Variants in ENTREP2 observed in about 807,000 individuals in gnomAD.
The protein encoded by ENTREP2 is protein ENTREP2.
chr15:29,403,052 T>C, the ENTREP2 span, among the ~76,000 whole-genome samples: 10 of 152,226 alleles, frequency 6.6e-5, no homozygotes, highest in East Asian at 1.9e-3. Flanking sequence ...GCGGCCAGTC[T>C]GAGTGAGAGG....
chr15:29,458,516 G>A, the ENTREP2 span, among the ~76,000 whole-genome samples: 1 of 151,994 alleles, frequency 6.6e-6, no homozygotes, highest in African/African-American at 2.4e-5. Context: ...AATCCCTCCA[G>A]CTCTTCTCAA....
At chr15:29,132,275 G>A in the ENTREP2 span, among the ~76,000 whole-genome samples, 1 of 152,208 alleles carries the variant, frequency 6.6e-6, no homozygotes, top group African/African-American at 2.4e-5. Context: ...GACAGCTGGT[G>A]GTGCAGCTGG....
chr15:29,591,832 GAGAAGA>G, the ENTREP2 span, among the ~76,000 whole-genome samples: 1,395 of 140,130 alleles, frequency 1.0e-2, 13 homozygotes, highest in African/African-American at 0.022. Context: ...CATCTCAAAA[GAGAAGA>G]AGAAGAAGAA....
the ENTREP2 span, among the ~76,000 whole-genome samples, chr15:29,494,663 T>C: frequency 6.6e-6 from 1 of 152,224 alleles, no homozygotes; most frequent in Non-Finnish European, 1.5e-5. Context: ...CACCTACCCA[T>C]TTCCCACAGG....
chr15:29,237,262 T>C, the ENTREP2 span, among the ~76,000 whole-genome samples: 1 of 152,244 alleles, frequency 6.6e-6, no homozygotes, highest in Non-Finnish European at 1.5e-5. Context: ...GGCATACATG[T>C]GGCTCACTAA....
At chr15:29,556,761 T>G in the ENTREP2 span, among the ~76,000 whole-genome samples, 2 of 103,572 alleles carry the variant, frequency 1.9e-5, no homozygotes, top group African/African-American at 6.7e-5. Context: ...CCCATGCAGG[T>G]GCCCCCCCCC....
At chr15:29,306,913 T>C in the ENTREP2 span, among the ~76,000 whole-genome samples, 1 of 140,414 alleles carries the variant, frequency 7.1e-6, no homozygotes, top group Non-Finnish European at 1.5e-5. Flanking sequence ...GCCTGACTAA[T>C]TTTTTGTACA....
the ENTREP2 span, among the ~76,000 whole-genome samples, chr15:29,147,178 A>G: frequency 7.2e-5 from 11 of 152,342 alleles, no homozygotes; most frequent in Non-Finnish European, 1.5e-4. Context: ...TACAGAAATA[A>G]CTTTTACAAC....
chr15:29,378,352 T>C, the ENTREP2 span, among the ~76,000 whole-genome samples: 15 of 152,162 alleles, frequency 9.9e-5, no homozygotes, highest in Non-Finnish European at 4.4e-5. Flanking sequence ...ACATCTTTGG[T>C]CACATTTCCA....
At chr15:29,151,223 T>C in the ENTREP2 span, among the ~76,000 whole-genome samples, 22,615 of 152,100 alleles carry the variant, frequency 0.15, 3,098 homozygotes, top group African/African-American at 0.36. Flanking sequence ...ACAGGTCTTC[T>C]TGTGTATGAC....
the ENTREP2 span, among the ~76,000 whole-genome samples, chr15:29,433,781 G>GAA: frequency 2.9e-5 from 4 of 136,740 alleles, no homozygotes; most frequent in African/African-American, 1.0e-4. Context: ...TCCTCCATGG[G>GAA]AAAAAAAAAA....
the ENTREP2 span, among the ~76,000 whole-genome samples, chr15:29,353,269 G>A: frequency 0.14 from 21,989 of 151,956 alleles, 1,840 homozygotes; most frequent in East Asian, 0.35. Context: ...CATTTGATGG[G>A]GATCCAGAAA....
chr15:29,479,520 C>G, the ENTREP2 span, among the ~76,000 whole-genome samples: 3 of 152,204 alleles, frequency 2.0e-5, no homozygotes, highest in Non-Finnish European at 4.4e-5. Context: ...CCGGAACCAG[C>G]TGGACAGCAC....
At chr15:29,589,537 T>A in the ENTREP2 span, among the ~76,000 whole-genome samples, 2 of 152,170 alleles carry the variant, frequency 1.3e-5, no homozygotes, top group African/African-American at 4.8e-5. Context: ...GCATATCATC[T>A]TCCAGATGGT....
At chr15:29,373,573 T>G in the ENTREP2 span, 2 of 152,184 alleles carry the variant, frequency 1.3e-5, no homozygotes, top group Non-Finnish European at 2.9e-5. Context: ...GATTGTGTTG[T>G]GTTTCTGTTT....
the ENTREP2 span, among the ~76,000 whole-genome samples, chr15:29,346,133 G>T: frequency 6.6e-6 from 1 of 152,176 alleles, no homozygotes; most frequent in African/African-American, 2.4e-5. Flanking sequence ...GCACAACGAC[G>T]CCAAGAAGAG....
At chr15:29,207,280 G>T in the ENTREP2 span, among the ~76,000 whole-genome samples, 1 of 152,272 alleles carries the variant, frequency 6.6e-6, no homozygotes, top group East Asian at 1.9e-4. Context: ...GTTCCCGCCC[G>T]TGGCTTCCTG....
the ENTREP2 span, among the ~76,000 whole-genome samples, chr15:29,502,240 A>G: frequency 6.6e-6 from 1 of 151,994 alleles, no homozygotes; most frequent in African/African-American, 2.4e-5. Context: ...TGCTACAGTA[A>G]TCAAGACAGT....
the ENTREP2 span, among the ~76,000 whole-genome samples, chr15:29,259,993 A>G: frequency 6.6e-6 from 1 of 152,328 alleles, no homozygotes; most frequent in South Asian, 2.1e-4. Context: ...AGCTTTGTGT[A>G]TCTCTGGCAG....
Sources: gnomAD v4.1 joint callset for allele counts (sites outside exome capture counted in the v4.1 genomes callset) on GRCh38, gnomAD v4.1.1 for gene constraint, MANE v1.5 for transcripts, NCBI Gene and HGNC (gene_info 2026-07-23, HGNC 2026-07-21) for gene names.